The following TXN2 variants were observed in gnomAD, a reference collection of about 807,000 sequenced individuals.
The protein encoded by TXN2 is thioredoxin 2.
A neutral mutation model predicts 14.6 loss-of-function variants in TXN2; 12 were observed. The observed-to-expected ratio is 0.82, with a 90% confidence interval of 0.53 to 1.33. TXN2 has a LOEUF of 1.33. TXN2 is among the 40% of genes most tolerant of loss of function. TXN2 has a pLI of 0.00. For synonymous variants in TXN2, 89 were observed against 81.0 expected (o/e 1.10, Z -0.53); for missense variants, 173 against 207.7 (o/e 0.83, Z 1.03).
chr22:36,467,960 A>G (rs749848009), intron 3 of TXN2, 43 bp from the exon 4 acceptor site: 1 of 1,540,678 alleles, frequency 6.5e-7, no homozygotes, highest in Non-Finnish European at 9.0e-7. Flanking sequence ...TTGGGAGTGA[A>G]TACTTCTCAA....
intron 3 of TXN2, among the ~76,000 whole-genome samples, chr22:36,469,737 C>T (rs146045536): frequency 1.3e-5 from 2 of 152,310 alleles, no homozygotes; most frequent in East Asian, 3.9e-4. Context: ...GGGCAGATCA[C>T]TTGAGGTCAG....
At chr22:36,472,747 C>T (rs368104160) in intron 3 of TXN2, among the ~76,000 whole-genome samples, 8 of 152,140 alleles carry the variant, frequency 5.3e-5, no homozygotes, top group African/African-American at 9.6e-5. Flanking sequence ...TTCTGTATGG[C>T]GCTGGAATGG....
At position 36,480,041 on chromosome 22, in the gene TXN2, G is replaced by A. The variant is rs371615785; in HGVS notation, c.263+534C>T. Among the ~76,000 whole-genome samples, 493 of 152,036 alleles carry A rather than the reference G, an allele frequency of 3.2e-3. 3 individuals carry two copies. The highest frequency in any genetic ancestry group is 0.011 in the African/African-American group (472 of 41,466). On this transcript the variant is annotated intron_variant, in intron 2 of 3. Transcript: ENST00000216185. ...TGGGATTACAGGCACACACCACCAC[G>A]CCTAGCTAATTTTGTATTTTTAATA...
At chr22:36,470,831 T>C (rs1933257621) in intron 3 of TXN2, among the ~76,000 whole-genome samples, 1 of 151,214 alleles carries the variant, frequency 6.6e-6, no homozygotes, top group Non-Finnish European at 1.5e-5. Context: ...ATCTCACTCA[T>C]GTAAACCTCC....
chr22:36,472,392 A>C (rs1010144458), intron 3 of TXN2, among the ~76,000 whole-genome samples: 1 of 152,184 alleles, frequency 6.6e-6, no homozygotes, highest in African/African-American at 2.4e-5. Context: ...CCAAACCCAC[A>C]GCAGGCACAA....
intron 2 of TXN2, among the ~76,000 whole-genome samples, chr22:36,478,660 G>A (rs532724622): frequency 8.6e-5 from 13 of 152,028 alleles, no homozygotes; most frequent in Non-Finnish European, 1.3e-4. Context: ...CAGGCCTGAC[G>A]GTTTTAAATG....
At chr22:36,472,182 G>A (rs987799868) in intron 3 of TXN2, among the ~76,000 whole-genome samples, 3 of 152,028 alleles carry the variant, frequency 2.0e-5, no homozygotes, top group Non-Finnish European at 2.9e-5. Context: ...AGATATGAGA[G>A]GGTTCTTGGA....
chr22:36,467,981 T>C, intron 3 of TXN2, 64 bp from the exon 4 acceptor site: 1 of 1,408,982 alleles, frequency 7.1e-7, no homozygotes, highest in Non-Finnish European at 1.0e-6. Flanking sequence ...CTGCCACTCC[T>C]GAGCCTTTGT....
chr22:36,469,069 AATAC>A (rs754694912), intron 3 of TXN2, among the ~76,000 whole-genome samples: 2,918 of 141,174 alleles, frequency 0.021, 91 homozygotes, highest in African/African-American at 0.08. Flanking sequence ...TAAATAAATA[AATAC>A]ATAAATAAAG....
At chr22:36,474,513 G>A (rs143505132) in intron 3 of TXN2, among the ~76,000 whole-genome samples, 27 of 152,208 alleles carry the variant, frequency 1.8e-4, no homozygotes, top group South Asian at 4.2e-4. Context: ...GGAATAAAGC[G>A]GCCTCTTTCA....
At chr22:36,476,420 G>A (rs974145138) in intron 3 of TXN2, among the ~76,000 whole-genome samples, 11 of 152,064 alleles carry the variant, frequency 7.2e-5, no homozygotes, top group African/African-American at 2.7e-4. Flanking sequence ...GTGATACCCT[G>A]TCTCTACTAA....
chr22:36,470,362 G>A (rs11913699), intron 3 of TXN2, among the ~76,000 whole-genome samples: 23,197 of 152,156 alleles, frequency 0.15, 2,423 homozygotes, highest in African/African-American at 0.29. Context: ...AGCAGGGCCC[G>A]AAAGAGTTTG....
intron 2 of TXN2, among the ~76,000 whole-genome samples, chr22:36,478,709 T>C (rs1933437751): frequency 6.6e-6 from 1 of 152,130 alleles, no homozygotes; most frequent in African/African-American, 2.4e-5. Flanking sequence ...ACACCTGTAA[T>C]CCTAGCACTC....
chr22:36,480,405 T>C (rs1168402230), intron 2 of TXN2, among the ~76,000 whole-genome samples, 170 bp downstream of exon 2: 1 of 152,242 alleles, frequency 6.6e-6, no homozygotes, highest in Non-Finnish European at 1.5e-5. Flanking sequence ...TGTTCACTTG[T>C]CTGTCTTCCA....
chr22:36,469,729 G>A (rs1423370624), intron 3 of TXN2, among the ~76,000 whole-genome samples: 2 of 152,224 alleles, frequency 1.3e-5, no homozygotes, highest in Non-Finnish European at 2.9e-5. Flanking sequence ...GCCAAAGCGG[G>A]CAGATCACTT....
chr22:36,479,068 A>G (rs1281877200), intron 2 of TXN2, among the ~76,000 whole-genome samples: 2 of 151,782 alleles, frequency 1.3e-5, no homozygotes, highest in African/African-American at 4.8e-5. Context: ...TAGAGACTGC[A>G]GTGAGCCGTG....
At chr22:36,467,956 G>A (rs1282460833) in intron 3 of TXN2, 39 bp from the exon 4 acceptor site, 2 of 1,556,850 alleles carry the variant, frequency 1.3e-6, no homozygotes, top group South Asian at 2.2e-5. Context: ...TGAATTGGGA[G>A]TGAATACTTC....
intron 3 of TXN2, chr22:36,468,728 A>G (rs1006976424): frequency 2.5e-5 from 11 of 444,736 alleles, no homozygotes; most frequent in Admixed American, 4.9e-5. Context: ...CTCAAAAAAA[A>G]AGAGAAAGAT....
intron 1 of TXN2, 44 bp downstream of exon 1, chr22:36,481,520 C>T (rs975493778): frequency 1.6e-4 from 158 of 963,192 alleles, no homozygotes; most frequent in Non-Finnish European, 2.0e-4. Flanking sequence ...CGCGGCATGC[C>T]TCAGCCGCGA....
Sources: gnomAD v4.1 joint callset for allele counts (sites outside exome capture counted in the v4.1 genomes callset) on GRCh38, gnomAD v4.1.1 for gene constraint, MANE v1.5 for transcripts, NCBI Gene and HGNC (gene_info 2026-07-23, HGNC 2026-07-21) for gene names.